Variants in MAST4 observed in about 807,000 individuals in gnomAD.
MAST4 encodes the protein microtubule associated serine/threonine kinase family member 4, also known as microtubule-associated serine/threonine-protein kinase 4.
Under a neutral mutation model 162.7 loss-of-function variants are expected in MAST4, and 89 were observed. That is an observed-to-expected ratio of 0.55 (90% CI 0.46 to 0.65). The LOEUF (loss-of-function observed/expected upper bound fraction) is 0.65. Among genes scored for constraint, MAST4 ranks in the 30% least tolerant of loss-of-function variants. The pLI is 0.00. For missense variants in MAST4, 3,153 were observed against 3,374.0 expected, an observed-to-expected ratio of 0.93 and a Z score of 1.62; for synonymous variants, 1,479 against 1,361.1, an observed-to-expected ratio of 1.09 and a Z score of -1.91.
intron 4 of MAST4, among the ~76,000 whole-genome samples, chr5:66,918,133 A>G (rs1215806414): frequency 6.6e-6 from 1 of 152,174 alleles, no homozygotes; most frequent in Non-Finnish European, 1.5e-5. Context: ...TCATGCCAAG[A>G]TGCAAATATT....
intron 4 of MAST4, among the ~76,000 whole-genome samples, chr5:66,974,721 T>C (rs1259873462): frequency 1.3e-5 from 2 of 152,192 alleles, no homozygotes; most frequent in African/African-American, 4.8e-5. Context: ...CCACTAAAAA[T>C]TGAGTAGAGT....
In MAST4 at chr5:66,929,371, G is replaced by A. The variant is rs555427011; in HGVS notation, c.674+29389G>A. 1.5e-4 allele frequency among the ~76,000 whole-genome samples: 23 copies of A among 152,216 alleles called. No homozygotes were observed. The East Asian group carries it at 4.5e-3, about 29-fold the overall frequency. On this transcript the variant is annotated intron_variant, in intron 4 of 28. Transcript: ENST00000403625. Reference sequence around the variant, plus strand: ...TCTGTCTGGGCCACCATCTGATTGGGTAGTGCCTGCCGACATTGAGAGAAA... The same window carrying A: ...TCTGTCTGGGCCACCATCTGATTGGATAGTGCCTGCCGACATTGAGAGAAA...
chr5:67,104,234 A>T, intron 9 of MAST4, 132 bp from the exon 10 acceptor site: 1 of 687,726 alleles, frequency 1.5e-6, no homozygotes, highest in Non-Finnish European at 2.5e-6. Flanking sequence ...GGCTTCTTTT[A>T]AATTTGATTT....
chr5:66,742,328 C>T (rs909234535), intron 1 of MAST4, among the ~76,000 whole-genome samples: 3 of 152,098 alleles, frequency 2.0e-5, no homozygotes, highest in Non-Finnish European at 4.4e-5. Flanking sequence ...TTAAGTTGTT[C>T]CCTGGGGTTC....
intron 3 of MAST4, among the ~76,000 whole-genome samples, chr5:66,789,220 C>T (rs555767327): frequency 7.1e-6 from 1 of 140,036 alleles, no homozygotes; most frequent in Admixed American, 6.9e-5. Context: ...TGTACATACA[C>T]ACATGATTTT....
intron 13 of MAST4, among the ~76,000 whole-genome samples, chr5:67,119,526 C>CT (rs1216485043): frequency 1.3e-5 from 2 of 151,906 alleles, no homozygotes; most frequent in African/African-American, 4.8e-5. Flanking sequence ...TTTCTACCAG[C>CT]TGGGGGGTGG....
At position 66,596,712 on chromosome 5, in the gene MAST4, C is replaced by G; in HGVS notation, c.57C>G (p.His19Gln). The part of the protein sequence containing the change: ...PEPVPRGCSG[H>Q]GSRTPASALV... ...CGGTGCCCCGCGGCTGCAGTGGCCA[C>G]GGCAGCCGGACTCCAGCCTCTGCGC... is the stretch of plus-strand genomic sequence containing the variant. Residue 19 changes from histidine (H) to glutamine (Q), a missense_variant, in exon 1 of 29, where the codon CAC (histidine) becomes CAG (glutamine). By Grantham distance (24) the His-to-Gln change is conservative (BLOSUM62 0). This residue lies in a region of MAST4 where 327 missense variants were observed against 336.5 expected (regional missense o/e 0.97). Coordinates refer to ENST00000403625, the MANE Select transcript of MAST4 (RefSeq NM_001164664.2). 6.9e-7 allele frequency: 1 copy of G among 1,448,168 alleles called. No individual in the cohort carries two copies. The allele number at this position is 1,448,168 out of a possible 1,614,324, so 89.7% of individuals were successfully genotyped here.
intron 1 of MAST4, among the ~76,000 whole-genome samples, chr5:66,747,105 TG>T (rs1752810003): frequency 2.0e-5 from 3 of 147,552 alleles, no homozygotes; most frequent in African/African-American, 5.3e-5. Flanking sequence ...ATGGTGTGTG[TG>T]TGTGTGTGTG....
Position 66,687,582 on chromosome 5 carries a change from G to A in MAST4, c.364-72127G>A, listed in dbSNP as rs1055211949. On this transcript the variant is annotated intron_variant, in intron 1 of 28. Coordinates refer to ENST00000403625, the MANE Select transcript of MAST4 (RefSeq NM_001164664.2). Reference sequence around the variant, plus strand: ...CATGCATATATACACATGTATATGTGTATATATATACATACATATATACAC... The same window carrying A: ...CATGCATATATACACATGTATATGTATATATATATACATACATATATACAC... Among the ~76,000 whole-genome samples the A allele has an allele frequency of 4.7e-5, 7 of 148,062 alleles. No individual in the cohort carries two copies. The East Asian group carries it at 1.4e-3, about 29-fold the overall frequency.
chr5:66,702,889 T>G (rs1225274718), intron 1 of MAST4, among the ~76,000 whole-genome samples: 2 of 152,134 alleles, frequency 1.3e-5, no homozygotes, highest in Non-Finnish European at 2.9e-5. Flanking sequence ...GCTGCTGTGT[T>G]GAGAATAGAC....
At chr5:66,758,139 C>T (rs1208562438) in intron 1 of MAST4, among the ~76,000 whole-genome samples, 1 of 151,250 alleles carries the variant, frequency 6.6e-6, no homozygotes, top group Non-Finnish European at 1.5e-5. Flanking sequence ...AGTGGATGGG[C>T]TGCTAGTTCT....
At chr5:66,958,489 G>A (rs1229351392) in intron 4 of MAST4, among the ~76,000 whole-genome samples, 1 of 152,068 alleles carries the variant, frequency 6.6e-6, no homozygotes, top group Non-Finnish European at 1.5e-5. Flanking sequence ...ACAGCACTGC[G>A]ATCTTAAAAA....
chr5:67,136,145 GAGAAAA>G (rs1349841721), intron 18 of MAST4, among the ~76,000 whole-genome samples: 2 of 152,166 alleles, frequency 1.3e-5, no homozygotes, highest in African/African-American at 4.8e-5. Context: ...GAAATTAAGA[GAGAAAA>G]ATCTGAACCT....
At chr5:66,634,813 A>G (rs1209317406) in intron 1 of MAST4, among the ~76,000 whole-genome samples, 2 of 152,220 alleles carry the variant, frequency 1.3e-5, no homozygotes, top group Non-Finnish European at 2.9e-5. Flanking sequence ...AATCAGCTGT[A>G]TCTACCCCAG....
At chr5:67,146,495 G>A (rs1413025242) in intron 23 of MAST4, among the ~76,000 whole-genome samples, 1 of 152,172 alleles carries the variant, frequency 6.6e-6, no homozygotes, top group Non-Finnish European at 1.5e-5. Flanking sequence ...TGTAATGAAT[G>A]TTTTCATTAA....
intron 1 of MAST4, among the ~76,000 whole-genome samples, chr5:66,707,850 G>A (rs1750234690): frequency 6.6e-6 from 1 of 152,094 alleles, no homozygotes; most frequent in African/African-American, 2.4e-5. Flanking sequence ...GTAATGAACA[G>A]TGGGTTCTAC....
chr5:66,648,091 AGAG>A (rs1745982730), intron 1 of MAST4, among the ~76,000 whole-genome samples: 1 of 148,484 alleles, frequency 6.7e-6, no homozygotes, highest in African/African-American at 2.5e-5. Flanking sequence ...TGTGAGAGAG[AGAG>A]AGAGAGAGAG....
At chr5:66,806,668 A>G (rs1233472585) in intron 3 of MAST4, among the ~76,000 whole-genome samples, 1 of 152,212 alleles carries the variant, frequency 6.6e-6, no homozygotes, top group African/African-American at 2.4e-5. Flanking sequence ...ATTCCTAGAC[A>G]ATTTTTAAAA....
At chr5:66,973,530 A>T (rs1274231910) in intron 4 of MAST4, among the ~76,000 whole-genome samples, 1 of 152,202 alleles carries the variant, frequency 6.6e-6, no homozygotes, top group Admixed American at 6.5e-5. Context: ...ATAGCATCAC[A>T]CCAGGAAGTC....
Sources: allele counts gnomAD v4.1 joint callset (sites outside exome capture counted in the v4.1 genomes callset), GRCh38; gene constraint gnomAD v4.1.1; regional missense constraint gnomAD v4.1.1; transcripts MANE v1.5; gene names NCBI Gene and HGNC (gene_info 2026-07-23, HGNC 2026-07-21).